The following RCAN1 variants were observed in gnomAD, a reference collection of about 807,000 sequenced individuals.
RCAN1 encodes the protein regulator of calcineurin 1.
Under a neutral mutation model 22.9 loss-of-function variants are expected in RCAN1, and 11 were observed. The observed-to-expected ratio is 0.48, with a 90% CI of 0.30 to 0.79. The LOEUF (loss-of-function observed/expected upper bound fraction) is 0.79. Ranked by LOEUF, RCAN1 falls within the 30% of genes least tolerant of loss-of-function variation. The probability of loss-of-function intolerance (pLI) is 0.06; values close to 1 mark genes in which losing one functional copy is unlikely to be tolerated. For missense variants in RCAN1, 291 were observed against 337.8 expected, an observed-to-expected ratio of 0.86 and a Z score of 1.09; for synonymous variants, 136 against 142.3, an observed-to-expected ratio of 0.96 and a Z score of 0.32.
intron 2 of RCAN1, chr21:34,521,923 C>T (rs1984590823): frequency 2.2e-6 from 1 of 460,012 alleles, no homozygotes; most frequent in African/African-American, 2.0e-5. Context: ...TACGCTTGAC[C>T]TAGATGGACA....
intron 1 of RCAN1, among the ~76,000 whole-genome samples, chr21:34,567,612 T>C (rs1462231561): frequency 6.6e-6 from 1 of 151,092 alleles, no homozygotes; most frequent in Non-Finnish European, 1.5e-5. Flanking sequence ...GAACACAAGC[T>C]CTAAGAGGCA....
At chr21:34,592,946 T>C (rs2123713505) in intron 1 of RCAN1, among the ~76,000 whole-genome samples, 1 of 152,256 alleles carries the variant, frequency 6.6e-6, no homozygotes, top group East Asian at 1.9e-4. Context: ...GGAAAGAGGA[T>C]GGGGAGCTGG....
chr21:34,526,951 T>G (rs1985103868), intron 1 of RCAN1: 1 of 1,371,776 alleles, frequency 7.3e-7, no homozygotes, highest in East Asian at 3.1e-5. Context: ...TCCTGCATGC[T>G]TGCAGGCAGA....
chr21:34,541,512 T>C (rs1193894485), intron 1 of RCAN1, among the ~76,000 whole-genome samples: 1 of 152,228 alleles, frequency 6.6e-6, no homozygotes, highest in Non-Finnish European at 1.5e-5. Flanking sequence ...CATATATACT[T>C]TACTCATTTT....
chr21:34,605,921 G>GAA (rs1166424278), intron 1 of RCAN1, among the ~76,000 whole-genome samples: 1 of 10,144 alleles, frequency 9.9e-5, no homozygotes, highest in Admixed American at 1.3e-3. Context: ...CTCGGTCTCA[G>GAA]AAAAAAAAAA....
At chr21:34,523,766 G>C (rs1984791091) in intron 1 of RCAN1, 56 bp from the exon 2 acceptor site, 2 of 1,403,526 alleles carry the variant, frequency 1.4e-6, no homozygotes, top group Admixed American at 4.1e-5. Flanking sequence ...TATGACCCTT[G>C]ACTAGATGAT....
chr21:34,521,708 A>C (rs376849150), intron 2 of RCAN1, 50 bp from the exon 3 acceptor site: 1 of 1,511,060 alleles, frequency 6.6e-7, no homozygotes, highest in African/African-American at 1.4e-5. Flanking sequence ...GAAGAACTGC[A>C]GTGAGGCAAC....
In RCAN1 at chr21:34,556,429, AAATAATAAT is replaced by A. The variant is rs56236946; in HGVS notation, c.253-32728_253-32720del. Reference sequence around the variant, plus strand: ...TGACAGACTGAGACCTTGTCTCAAAAAATAATAATAATAATAATAATAATAATAATAGGT... The same window carrying A: ...TGACAGACTGAGACCTTGTCTCAAAAAATAATAATAATAATAATAATAGGT... On this transcript the variant is annotated intron_variant, in intron 1 of 3. Transcript: ENST00000313806. Among the ~76,000 whole-genome samples the A allele has an allele frequency of 2.1e-5, 3 of 145,540 alleles. No individual in the cohort carries two copies. In the Admixed American group the frequency reaches 2.1e-4, roughly 10 times the overall value.
chr21:34,551,801 A>G (rs368327367), intron 1 of RCAN1, among the ~76,000 whole-genome samples: 25 of 152,224 alleles, frequency 1.6e-4, no homozygotes, highest in African/African-American at 5.5e-4. Flanking sequence ...TAAAAAAAAA[A>G]TCTTAGAATG....
At chr21:34,531,846 C>T (rs1985404255) in intron 1 of RCAN1, among the ~76,000 whole-genome samples, 2 of 152,120 alleles carry the variant, frequency 1.3e-5, no homozygotes, top group South Asian at 4.1e-4. Flanking sequence ...CCTTTCCTTT[C>T]CTTCCTTAAG....
rs1482447906 is a variant in RCAN1 at position 34,613,719 on chromosome 21, GCA to G, written c.252+1039_252+1040del. 3 of 1,447,150 alleles carry G rather than the reference GCA, an allele frequency of 2.1e-6. No individual in the cohort carries two copies. The African/African-American group carries it at 4.2e-5, about 20-fold the overall frequency. The allele number at this position is 1,447,150 out of a possible 1,614,324, so 89.6% of individuals were successfully genotyped here. Reference sequence around the variant, plus strand: ...AAAGCATGCCTGGAAGCTTACCTAAGCACACGGCCATTGTAATTCCTTTCAGA... The same window carrying G: ...AAAGCATGCCTGGAAGCTTACCTAAGCACGGCCATTGTAATTCCTTTCAGA... On this transcript the variant is annotated intron_variant, in intron 1 of 3. Coordinates refer to ENST00000313806, the MANE Select transcript of RCAN1 (RefSeq NM_004414.7).
rs867241197 is a variant in RCAN1 at position 34,516,541 on chromosome 21, T to G, written c.*1543A>C. 3 of 152,222 alleles carry G rather than the reference T, an allele frequency of 2.0e-5. No individual in the cohort carries two copies. Among genetic ancestry groups the G allele is most frequent in the South Asian group, 2.1e-4 (1 of 4,826 alleles). The allele number at this position is 152,222 out of a possible 1,614,324, so 9.4% of individuals were successfully genotyped here. On this transcript the variant is annotated 3_prime_UTR_variant, in exon 4 of 4. Coordinates refer to ENST00000313806, the MANE Select transcript of RCAN1 (RefSeq NM_004414.7). ...TATAGAATGCAGTTAAAAAAAATAT[T>G]TTGAGGTTAGCCTCTCCAGTTTAAA...
rs530464495 is a variant in RCAN1, at chr21:34,586,901, T to C, written c.252+27859A>G. On this transcript the variant is annotated intron_variant, in intron 1 of 3. Coordinates refer to ENST00000313806, the MANE Select transcript of RCAN1 (RefSeq NM_004414.7). ...CCCAGGAGACAGAGGTTGCAGTGAG[T>C]TGAGATCGCACCATTGCACTCCAGC... 5.9e-5 allele frequency among the ~76,000 whole-genome samples: 9 copies of C among 151,946 alleles called. No homozygotes were observed. In the East Asian group the frequency reaches 1.7e-3, roughly 29 times the overall value.
intron 1 of RCAN1, chr21:34,525,106 G>A (rs1984932647): frequency 6.4e-7 from 1 of 1,550,600 alleles, no homozygotes; most frequent in Non-Finnish European, 8.7e-7. Flanking sequence ...ACCTATGGAA[G>A]GCGCAGTGTC....
intron 1 of RCAN1, among the ~76,000 whole-genome samples, chr21:34,595,760 C>A (rs78255319): frequency 0.022 from 3,355 of 152,328 alleles, 124 homozygotes; most frequent in African/African-American, 0.076. Flanking sequence ...CCCACTCACA[C>A]GCTGCCTGGA....
chr21:34,542,255 C>T (rs1339335829), intron 1 of RCAN1, among the ~76,000 whole-genome samples: 1 of 152,174 alleles, frequency 6.6e-6, no homozygotes, highest in East Asian at 1.9e-4. Flanking sequence ...AATGTATGTC[C>T]CCTGCCCTTG....
At chr21:34,547,607 T>C (rs1032385525) in intron 1 of RCAN1, among the ~76,000 whole-genome samples, 8 of 152,174 alleles carry the variant, frequency 5.3e-5, no homozygotes, top group African/African-American at 1.9e-4. Flanking sequence ...TGTTGAGAGG[T>C]AGGGCCTTGA....
At chr21:34,542,445 C>G (rs12627718) in intron 1 of RCAN1, among the ~76,000 whole-genome samples, 1 of 151,962 alleles carries the variant, frequency 6.6e-6, no homozygotes, top group Admixed American at 6.5e-5. Flanking sequence ...CATACAGAGA[C>G]GAACTGAGGC....
chr21:34,567,145 T>A (rs1411412405), intron 1 of RCAN1, among the ~76,000 whole-genome samples: 5 of 149,698 alleles, frequency 3.3e-5, no homozygotes, highest in Non-Finnish European at 7.4e-5. Context: ...TCAAAATTTG[T>A]GTAGACACAA....
Sources: gnomAD v4.1 joint callset for allele counts (sites outside exome capture counted in the v4.1 genomes callset) on GRCh38, gnomAD v4.1.1 for gene constraint, MANE v1.5 for transcripts, NCBI Gene and HGNC (gene_info 2026-07-23, HGNC 2026-07-21) for gene names.